BACH1: variants seen among roughly 807,000 people sequenced by gnomAD.
BACH1 encodes the protein transcription regulator protein BACH1.
In BACH1, 35 loss-of-function variants were observed where a neutral mutation model predicts 52.9. The ratio of observed to expected loss-of-function variants is 0.66; its 90% CI spans 0.51 to 0.88. The LOEUF is 0.88. BACH1 is among the 40% of genes least tolerant of loss of function. The probability of loss-of-function intolerance (pLI) is 0.00; values close to 1 mark genes in which losing one functional copy is unlikely to be tolerated. For missense variants in BACH1, 808 were observed against 872.6 expected, an observed-to-expected ratio of 0.93 and a Z score of 0.93; for synonymous variants, 321 against 319.6, an observed-to-expected ratio of 1.00 and a Z score of -0.05.
At chr21:29,351,739 G>A in intron 2 of BACH1, 1 of 534,712 alleles carries the variant, frequency 1.9e-6, no homozygotes. Context: ...ACATCTGGGA[G>A]GGAAGCTTAA....
At position 29,345,265 on chromosome 21, in the gene BACH1, G is replaced by A. The variant is rs1296623514; in HGVS notation, c.*2432G>A. 6.6e-6 allele frequency: 1 copy of A among 152,232 alleles called. No homozygotes were observed. The highest frequency in any genetic ancestry group is 1.5e-5 in the Non-Finnish European group (1 of 67,920). The allele number at this position is 152,232 out of a possible 1,614,324, so 9.4% of individuals were successfully genotyped here. On this transcript the variant is annotated 3_prime_UTR_variant, in exon 5 of 5. Transcript: ENST00000286800. ...TATTTTAACATTAACTTCTAAAGAA[G>A]TTTTTTCTAAGAAAATGTTTCAAGG...
intron 1 of BACH1, among the ~76,000 whole-genome samples, chr21:29,314,600 C>G (rs554967546): frequency 1.3e-5 from 2 of 152,220 alleles, no homozygotes; most frequent in East Asian, 3.9e-4. Flanking sequence ...CCCTCCCACC[C>G]CATTTTTAAA....
At position 29,326,572 on chromosome 21, in the gene BACH1, C is replaced by G. The variant is rs764957109; in HGVS notation, c.748C>G (p.His250Asp). ...RTGESSVKDI[H>D]ASVQPNERSE... ...TGGGGAATCTAGTGTCAAAGACATT[C>G]ATGCTTCTGTTCAGCCAAATGAAAG... The change falls in exon 3 of 5, where the codon CAT becomes GAT. Residue 250 changes from histidine (H) to aspartate (D), a missense_variant. His to Asp is a moderately conservative substitution (Grantham distance 81). Coordinates refer to ENST00000286800, the MANE Select transcript of BACH1 (RefSeq NM_001186.4). The G allele has an allele frequency of 6.2e-7, 1 of 1,614,202 alleles. No homozygotes were observed. The highest frequency in any genetic ancestry group is 8.5e-7 in the Non-Finnish European group (1 of 1,180,034).
At chr21:29,352,471 G>A (rs1189009691) in intron 2 of BACH1, 2 of 152,130 alleles carry the variant, frequency 1.3e-5, no homozygotes, top group Admixed American at 1.3e-4. Flanking sequence ...TGGGACTTCT[G>A]GTCCTCGATA....
intron 1 of BACH1, among the ~76,000 whole-genome samples, chr21:29,316,462 A>G (rs1344455896): frequency 1.3e-5 from 2 of 152,220 alleles, no homozygotes; most frequent in Admixed American, 6.5e-5. Context: ...TTCTAAGAAT[A>G]TAGAAAAATG....
Position 29,317,941 on chromosome 21 carries a change from G to A in BACH1, c.-60-3280G>A, listed in dbSNP as rs140242168. On this transcript the variant is annotated intron_variant, in intron 1 of 4. Transcript: ENST00000286800. ...AGGTCATATAGCTAGTAGTGGCAGA[G>A]CTGGGATTTGAACCCAGACAGTGTA... Among the ~76,000 whole-genome samples the A allele has an allele frequency of 3.9e-5, 6 of 152,222 alleles. No homozygotes were observed. The East Asian group carries it at 1.2e-3, about 29-fold the overall frequency.
At chr21:29,313,920 G>C (rs962149054) in intron 1 of BACH1, among the ~76,000 whole-genome samples, 1 of 152,164 alleles carries the variant, frequency 6.6e-6, no homozygotes, top group African/African-American at 2.4e-5. Context: ...CACATATACA[G>C]TTGTTAAAGG....
intron 4 of BACH1, among the ~76,000 whole-genome samples, chr21:29,331,758 T>C (rs1024389154): frequency 6.6e-6 from 1 of 152,176 alleles, no homozygotes; most frequent in African/African-American, 2.4e-5. Flanking sequence ...ACTTTATAGA[T>C]TAGGTGCTTA....
Position 29,345,005 on chromosome 21 carries a change from C to T in BACH1, c.*2172C>T, listed in dbSNP as rs1366709361. 6.6e-6 allele frequency: 1 copy of T among 152,590 alleles called. No individual in the cohort carries two copies. Among genetic ancestry groups the T allele is most frequent in the Non-Finnish European group, 1.5e-5 (1 of 68,022 alleles). 9.5% of individuals were successfully genotyped at this position (152,590 alleles called of 1,614,324 possible). A position where few individuals can be genotyped will look rare whatever the true frequency, so the allele number is the denominator to read the frequency against. ...GTTTAAATTTCTCTCTACCTATAAA[C>T]AGTTTAGCATTAAGGGTTTCTATTA... On this transcript the variant is annotated 3_prime_UTR_variant, in exon 5 of 5. Coordinates refer to ENST00000286800, the MANE Select transcript of BACH1 (RefSeq NM_001186.4).
chr21:29,300,531 A>G (rs2088591796), intron 1 of BACH1, among the ~76,000 whole-genome samples: 2 of 152,154 alleles, frequency 1.3e-5, no homozygotes, highest in African/African-American at 4.8e-5. Context: ...GGCGGGTTTA[A>G]AGACGGAGCC....
chr21:29,306,169 A>AGTGTGT (rs61571512), intron 1 of BACH1, among the ~76,000 whole-genome samples: 5,400 of 141,208 alleles, frequency 0.038, 208 homozygotes, highest in African/African-American at 0.09. Context: ...GGTCAGGAAG[A>AGTGTGT]GTGTGTGTGT....
At chr21:29,338,478 A>G (rs2089071433) in intron 4 of BACH1, among the ~76,000 whole-genome samples, 1 of 152,152 alleles carries the variant, frequency 6.6e-6, no homozygotes, top group East Asian at 1.9e-4. Flanking sequence ...GGATCAAGCA[A>G]ATCCTCTCAT....
chr21:29,335,549 C>G (rs539974352), intron 4 of BACH1, among the ~76,000 whole-genome samples: 2 of 152,164 alleles, frequency 1.3e-5, no homozygotes, highest in Admixed American at 1.3e-4. Flanking sequence ...CAGCACCCCC[C>G]ACCCCATTCT....
intron 1 of BACH1, chr21:29,300,673 C>CT (rs926643784): frequency 1.3e-5 from 2 of 152,104 alleles, no homozygotes; most frequent in African/African-American, 4.8e-5. Flanking sequence ...ACTTAGTTTC[C>CT]TTTTTGTGGT....
chr21:29,316,291 AAACTT>A (rs2088785774), intron 1 of BACH1, among the ~76,000 whole-genome samples: 2 of 152,200 alleles, frequency 1.3e-5, no homozygotes, highest in African/African-American at 4.8e-5. Flanking sequence ...AACTATATCA[AAACTT>A]AAATTATGTG....
chr21:29,326,851 ACAACAGT>A lies in BACH1; in HGVS notation c.1028_1034del (p.Thr343SerfsTer2). 1.2e-6 allele frequency: 2 copies of A among 1,614,256 alleles called. No individual in the cohort carries two copies. The highest frequency in any genetic ancestry group is 1.7e-6 in the Non-Finnish European group (2 of 1,180,042). ...CTTGAATTTTGCTGGTATGCAAAACACAACAGTGTTAACAGAAAAGCCTTTGTCAGGT... is the reference window on the plus strand; with the variant it reads ...CTTGAATTTTGCTGGTATGCAAAACAGTTAACAGAAAAGCCTTTGTCAGGT... On this transcript the variant is annotated frameshift_variant, in exon 3 of 5. Transcript: ENST00000286800. LOFTEE classifies it high-confidence loss of function.
chr21:29,302,433 CAAAG>C (rs1327267569), intron 1 of BACH1, among the ~76,000 whole-genome samples: 2 of 152,138 alleles, frequency 1.3e-5, no homozygotes, highest in African/African-American at 2.4e-5. Flanking sequence ...GTACAGTTGA[CAAAG>C]AAGCAGTAAG....
At position 29,326,626 on chromosome 21, in the gene BACH1, C is replaced by T. The variant is rs374802824; in HGVS notation, c.802C>T (p.Pro268Ser). The T allele has an allele frequency of 1.6e-5, 26 of 1,613,914 alleles. No individual in the cohort carries two copies. In the African/African-American group the frequency reaches 3.2e-4, roughly 20 times the overall value. Reference protein sequence around the residue: ...RSENECLGGVPECRDLQVMLK... With the variant: ...RSENECLGGVSECRDLQVMLK... The stretch of plus-strand genomic sequence containing the variant: ...TGAAAATGAATGCCTGGGAGGAGTC[C>T]CGGAGTGTAGAGATTTGCAGGTGAT... Residue 268 changes from proline to serine, a missense_variant, in exon 3 of 5, where the codon CCG becomes TCG. Coordinates refer to ENST00000286800, the MANE Select transcript of BACH1 (RefSeq NM_001186.4).
At chr21:29,324,145 G>A (rs1569014144) in intron 2 of BACH1, among the ~76,000 whole-genome samples, 3 of 151,352 alleles carry the variant, frequency 2.0e-5, no homozygotes, top group Non-Finnish European at 2.9e-5. Context: ...CCAGCTACTC[G>A]GGAGACTGAG....
Sources: allele counts gnomAD v4.1 joint callset (sites outside exome capture counted in the v4.1 genomes callset), GRCh38; gene constraint gnomAD v4.1.1; transcripts MANE v1.5; gene names NCBI Gene and HGNC (gene_info 2026-07-23, HGNC 2026-07-21).